CARS1: variants seen among roughly 807,000 people sequenced by gnomAD.
CARS1 encodes cysteinyl-tRNA synthetase 1.
In CARS1, 48 loss-of-function variants were observed where a neutral mutation model predicts 106.2. That is an observed-to-expected ratio of 0.45 (90% CI 0.36 to 0.57). The LOEUF (loss-of-function observed/expected upper bound fraction) is 0.57, where lower values mean the gene tolerates loss of function less well. Among genes scored for constraint, CARS1 ranks in the 20% least tolerant of loss-of-function variants. The pLI is 0.00. For synonymous variants in CARS1, 409 were observed against 403.4 expected, an observed-to-expected ratio of 1.01 and a Z score of -0.17; for missense variants, 968 against 1,057.2, an observed-to-expected ratio of 0.92 and a Z score of 1.17.
chr11:3,013,010 C>T (rs554196807), intron 17 of CARS1, among the ~76,000 whole-genome samples: 3 of 151,830 alleles, frequency 2.0e-5, no homozygotes, highest in African/African-American at 2.4e-5. Context: ...CTGCCTCAGC[C>T]TCCCGAGTAG....
intron 1 of CARS1, among the ~76,000 whole-genome samples, chr11:3,056,298 C>T (rs1856194679): frequency 1.3e-5 from 2 of 152,168 alleles, no homozygotes; most frequent in African/African-American, 4.8e-5. Context: ...CTAATTTTTG[C>T]CAGCCAAAAG....
chr11:3,047,137 CATG>C (rs1433268915), intron 2 of CARS1, among the ~76,000 whole-genome samples: 1 of 151,930 alleles, frequency 6.6e-6, no homozygotes, highest in Non-Finnish European at 1.5e-5. Flanking sequence ...ATTAGCCAGG[CATG>C]GTGGTGGGCG....
rs1283760731 is a variant in CARS1 at position 3,044,153 on chromosome 11, CT to C, written c.275-1898del. 1.3e-5 allele frequency among the ~76,000 whole-genome samples: 2 copies of C among 152,172 alleles called. No homozygotes were observed. The highest frequency in any genetic ancestry group is 1.3e-4 in the Admixed American group (2 of 15,284). On this transcript the variant is annotated intron_variant, in intron 2 of 22. Transcript: ENST00000380525. This position sits in a 1 kb window ranked among gnomAD's most constrained non-coding sequence, Gnocchi z 4.4. ...AGGACACTGCTGCCATCTCAGACAG[CT>C]GGAGACGCTGCCCAGAAACACAGCC...
In CARS1 at chr11:3,045,473, C is replaced by T. The variant is rs1020831674; in HGVS notation, c.274+2280G>A. On this transcript the variant is annotated intron_variant, in intron 2 of 22. Coordinates refer to ENST00000380525, the MANE Select transcript of CARS1 (RefSeq NM_001014437.3). The surrounding 1 kb of genome is among the most constrained non-coding windows in gnomAD (Gnocchi z 5.6). ...TAGAGACAGGTTGTCACCGACTTAG[C>T]GAGCATGGTCTCAATCTCCTGACCT... Among the ~76,000 whole-genome samples the T allele has an allele frequency of 6.6e-6, 1 of 152,154 alleles. No individual in the cohort carries two copies. The highest frequency in any genetic ancestry group is 6.5e-5 in the Admixed American group (1 of 15,284).
At position 3,050,039 on chromosome 11, in the gene CARS1, C is replaced by T. The variant is rs1006454055; in HGVS notation, c.26-2038G>A. Among the ~76,000 whole-genome samples the T allele has an allele frequency of 5.3e-5, 8 of 152,318 alleles. No homozygotes were observed. The highest frequency in any genetic ancestry group is 2.1e-4 in the South Asian group (1 of 4,824). On this transcript the variant is annotated intron_variant, in intron 1 of 22. Transcript: ENST00000380525. The surrounding 1 kb of genome is among the most constrained non-coding windows in gnomAD (Gnocchi z 6.3). ...CAGCAGCAAGAATGCCCCACTGGGC[C>T]GAGCTCTTCACCCGCCAGGGAGCCT...
In CARS1 at chr11:3,053,323, C is replaced by T. The variant is rs1045586839; in HGVS notation, c.25+4020G>A. On this transcript the variant is annotated intron_variant, in intron 1 of 22. Transcript: ENST00000380525. The surrounding 1 kb of genome is among the most constrained non-coding windows in gnomAD (Gnocchi z 6.6). The stretch of plus-strand genomic sequence containing the variant: ...TCGGCTCACTGCAAACTCTGCCTCC[C>T]GGGTTCAAGCGATTCTCCTGCCTCA... Among the ~76,000 whole-genome samples, 24 of 152,072 alleles carry T rather than the reference C, an allele frequency of 1.6e-4. No homozygotes were observed. Among genetic ancestry groups the T allele is most frequent in the African/African-American group, 5.6e-4 (23 of 41,396 alleles).
chr11:3,010,693 G>A (rs552137503), intron 18 of CARS1, among the ~76,000 whole-genome samples: 22 of 152,298 alleles, frequency 1.4e-4, no homozygotes, highest in Non-Finnish European at 2.2e-4. Flanking sequence ...GTGGAGCCCC[G>A]AGCTCCCGAA....
At position 3,008,817 on chromosome 11, in the gene CARS1, T is replaced by G. The variant is rs950673283; in HGVS notation, c.2069-1858A>C. The G allele has an allele frequency of 2.0e-5, 3 of 152,050 alleles. No homozygotes were observed. The highest frequency in any genetic ancestry group is 2.9e-5 in the Non-Finnish European group (2 of 68,032). 9.4% of individuals were successfully genotyped at this position (152,050 alleles called of 1,614,324 possible). A position where few individuals can be genotyped will look rare whatever the true frequency, so the allele number is the denominator to read the frequency against. ...AGGAGCAGCTGACTGGGGCATGAGCTGAGGTAGGTGCCTGCCCTTCACTCT... is the reference window on the plus strand; with the variant it reads ...AGGAGCAGCTGACTGGGGCATGAGCGGAGGTAGGTGCCTGCCCTTCACTCT... On this transcript the variant is annotated intron_variant, in intron 18 of 22. Coordinates refer to ENST00000380525, the MANE Select transcript of CARS1 (RefSeq NM_001014437.3). This position sits in a 1 kb window ranked among gnomAD's most constrained non-coding sequence, Gnocchi z 5.1.
At chr11:3,018,253 G>A in intron 14 of CARS1, 155 bp downstream of exon 14, 1 of 627,594 alleles carries the variant, frequency 1.6e-6, no homozygotes, top group Non-Finnish European at 2.8e-6. Context: ...GTGGCCCCGA[G>A]CCTGTTATAC....
Position 3,038,348 on chromosome 11 carries a change from G to A in CARS1, c.652-149C>T. 2.8e-6 allele frequency: 2 copies of A among 715,002 alleles called. No individual in the cohort carries two copies. Among genetic ancestry groups the A allele is most frequent in the Admixed American group, 4.9e-5 (2 of 40,500 alleles). The allele number at this position is 715,002 out of a possible 1,614,324, so 44.3% of individuals were successfully genotyped here. On this transcript the variant is annotated intron_variant, in intron 6 of 22. Coordinates refer to ENST00000380525, the MANE Select transcript of CARS1 (RefSeq NM_001014437.3). The surrounding 1 kb of genome is among the most constrained non-coding windows in gnomAD (Gnocchi z 4.0). ...GCAACCCAAGTGGCCAGGCAGTAAG[G>A]AACTAAGAGAGACTGAAGCTCCCGG...
chr11:3,042,323 C>T, intron 2 of CARS1, 67 bp from the exon 3 acceptor site: 14 of 1,133,280 alleles, frequency 1.2e-5, no homozygotes, highest in Non-Finnish European at 1.4e-5. Flanking sequence ...CGCCTCTTCA[C>T]CTGGAGACTT....
chr11:3,031,984 C>CTCCTTCCTTCCTTCCT (rs1423537013), intron 7 of CARS1, among the ~76,000 whole-genome samples: 9 of 34,186 alleles, frequency 2.6e-4, no homozygotes, highest in Admixed American at 3.7e-4. Context: ...TCTTTTCTTT[C>CTCCTTCCTTCCTTCCT]TCCTTCCTTC....
At position 3,042,179 on chromosome 11, in the gene CARS1, G is replaced by A. The variant is rs148034169; in HGVS notation, c.352C>T (p.Leu118Phe). 4 of 1,613,616 alleles carry A rather than the reference G, an allele frequency of 2.5e-6. No homozygotes were observed. The highest frequency in any genetic ancestry group is 3.4e-6 in the Non-Finnish European group (4 of 1,179,768). The stretch of plus-strand genomic sequence containing the variant: ...GTTCTCCTTACCTTGTTCCTGGTGA[G>A]GCTGTTGTAAAGGTGGAGTCTGCAT... Reference protein sequence around the residue: ...QPCRLHLYNSLTRNKEVFIPQ... With the variant: ...QPCRLHLYNSFTRNKEVFIPQ... The change falls in exon 3 of 23, where the codon CTC becomes TTC. Residue 118 changes from leucine (L) to phenylalanine (F), a missense_variant. Coordinates refer to ENST00000380525, the MANE Select transcript of CARS1 (RefSeq NM_001014437.3).
Position 3,017,851 on chromosome 11 carries a change from C to A in CARS1, c.1727+6G>T. ...CAAAAACCCCAAAGAAATGGCACCA[C>A]CTTACTTCTTATTCAGTTCTGCTTC... On this transcript the variant is annotated splice_donor_region_variant and intron_variant, in intron 15 of 22. Coordinates refer to ENST00000380525, the MANE Select transcript of CARS1 (RefSeq NM_001014437.3). The surrounding 1 kb of genome is among the most constrained non-coding windows in gnomAD (Gnocchi z 4.9). 6.3e-7 allele frequency: 1 copy of A among 1,597,598 alleles called. No individual in the cohort carries two copies. Among genetic ancestry groups the A allele is most frequent in the Non-Finnish European group, 8.6e-7 (1 of 1,165,232 alleles).
chr11:3,042,138 G>A (rs779150804), intron 3 of CARS1, 27 bp downstream of exon 3: 2 of 1,570,118 alleles, frequency 1.3e-6, no homozygotes, highest in Non-Finnish European at 8.8e-7. Context: ...TTGTGTGCGT[G>A]TGCCACGGCA....
At position 3,048,265 on chromosome 11, in the gene CARS1, C is replaced by A. The variant is rs759803673; in HGVS notation, c.26-264G>T. 27 of 423,402 alleles carry A rather than the reference C, an allele frequency of 6.4e-5. No individual in the cohort carries two copies. The highest frequency in any genetic ancestry group is 9.0e-5 in the Non-Finnish European group (21 of 234,472). 26.2% of individuals were successfully genotyped at this position (423,402 alleles called of 1,614,324 possible). On this transcript the variant is annotated intron_variant, in intron 1 of 22. Coordinates refer to ENST00000380525, the MANE Select transcript of CARS1 (RefSeq NM_001014437.3). The surrounding 1 kb of genome is among the most constrained non-coding windows in gnomAD (Gnocchi z 5.1). ...CTAGACAGAAATGAAGGCTGCATGACAACATCATGCGCCAAATACCACAGA... is the reference window on the plus strand; with the variant it reads ...CTAGACAGAAATGAAGGCTGCATGAAAACATCATGCGCCAAATACCACAGA...
chr11:3,044,071 G>C lies in CARS1; in HGVS notation c.275-1815C>G, dbSNP rs1030763869. On this transcript the variant is annotated intron_variant, in intron 2 of 22. Transcript: ENST00000380525. This position sits in a 1 kb window ranked among gnomAD's most constrained non-coding sequence, Gnocchi z 4.4. ...CTCAATGCCTGGAGGCATTCAACCG[G>C]CCACTCTAGGATCCCATCACTCTCC... Among the ~76,000 whole-genome samples the C allele has an allele frequency of 1.3e-5, 2 of 152,160 alleles. No individual in the cohort carries two copies. Among genetic ancestry groups the C allele is most frequent in the Non-Finnish European group, 2.9e-5 (2 of 68,022 alleles).
At chr11:3,035,159 G>A (rs451060) in intron 7 of CARS1, among the ~76,000 whole-genome samples, 50,206 of 152,096 alleles carry the variant, frequency 0.33, 10,216 homozygotes, top group East Asian at 0.63. Flanking sequence ...TTAAGTTTCA[G>A]CATGAGTTTT....
chr11:3,020,280 G>A lies in CARS1; in HGVS notation c.1206C>T (p.Asp402=). 3 of 1,614,126 alleles carry A rather than the reference G, an allele frequency of 1.9e-6. No homozygotes were observed. Among genetic ancestry groups the A allele is most frequent in the Non-Finnish European group, 2.5e-6 (3 of 1,179,960 alleles). ...GCTTAGAGGCCTTCCATAAGGCAAAGTCGTTGGGAGAGCGCTTCTCACTCA... is the reference window on the plus strand; with the variant it reads ...GCTTAGAGGCCTTCCATAAGGCAAAATCGTTGGGAGAGCGCTTCTCACTCA... ...DRLSEKRSPN[D]FALWKASKPG... is the part of the protein sequence containing the mutation. The change falls in exon 11 of 23, where the codon GAC becomes GAT. Residue 402 remains aspartate (D), a synonymous_variant. Transcript: ENST00000380525. The surrounding 1 kb of genome is among the most constrained non-coding windows in gnomAD (Gnocchi z 4.6).
Sources: allele counts gnomAD v4.1 joint callset (sites outside exome capture counted in the v4.1 genomes callset), GRCh38; gene constraint gnomAD v4.1.1; non-coding constraint Gnocchi (gnomAD v3.1); transcripts MANE v1.5; gene names NCBI Gene and HGNC (gene_info 2026-07-23, HGNC 2026-07-21).